Variants in OR9Q1 observed in about 807,000 individuals in gnomAD.
OR9Q1 encodes olfactory receptor family 9 subfamily Q member 1, also known as olfactory receptor 9Q1.
For missense variants in OR9Q1, 374 were observed against 378.8 expected (o/e 0.99, Z 0.11); for synonymous variants, 153 against 148.6 (o/e 1.03, Z -0.22).
chr11:58,146,123 G>A (rs1178111031), intron 2 of OR9Q1, among the ~76,000 whole-genome samples: 2 of 152,172 alleles, frequency 1.3e-5, no homozygotes, highest in Admixed American at 1.3e-4. Context: ...GGGCTGAAGT[G>A]AGTCCCATAT....
intron 2 of OR9Q1, among the ~76,000 whole-genome samples, chr11:58,061,920 C>T (rs187999356): frequency 9.9e-5 from 15 of 152,238 alleles, no homozygotes; most frequent in Admixed American, 4.6e-4. Flanking sequence ...CATGCCAGTT[C>T]GTATACTAAT....
chr11:58,086,671 A>T (rs1375221400), intron 2 of OR9Q1, among the ~76,000 whole-genome samples: 1 of 151,942 alleles, frequency 6.6e-6, no homozygotes, highest in East Asian at 1.9e-4. Flanking sequence ...AATACTATAC[A>T]GCCCTAAAAA....
intron 2 of OR9Q1, among the ~76,000 whole-genome samples, chr11:58,160,556 C>T (rs1854447748): frequency 6.6e-6 from 1 of 152,068 alleles, no homozygotes; most frequent in African/African-American, 2.4e-5. Context: ...AACTCCTGGG[C>T]TCAAGCCATT....
At chr11:58,089,584 A>C (rs1013265990) in intron 2 of OR9Q1, among the ~76,000 whole-genome samples, 3 of 151,884 alleles carry the variant, frequency 2.0e-5, no homozygotes, top group Non-Finnish European at 4.4e-5. Flanking sequence ...GTCAGGCAGC[A>C]TGATGCCTCC....
At chr11:58,060,810 T>G (rs1853373832) in intron 2 of OR9Q1, among the ~76,000 whole-genome samples, 1 of 151,436 alleles carries the variant, frequency 6.6e-6, no homozygotes, top group African/African-American at 2.4e-5. Context: ...TTTTTTTTGA[T>G]AGAGGAGGAT....
intron 2 of OR9Q1, among the ~76,000 whole-genome samples, chr11:58,097,268 T>A (rs549363212): frequency 4.6e-5 from 7 of 152,246 alleles, no homozygotes; most frequent in Non-Finnish European, 1.0e-4. Flanking sequence ...TCTTCAGTGT[T>A]GAGCTGTTGT....
intron 2 of OR9Q1, among the ~76,000 whole-genome samples, chr11:58,068,589 G>T (rs1853456990): frequency 6.6e-6 from 1 of 152,170 alleles, no homozygotes; most frequent in Non-Finnish European, 1.5e-5. Flanking sequence ...TAACATCTGT[G>T]GGTCTCACCT....
At chr11:58,065,301 G>A (rs954156173) in intron 2 of OR9Q1, among the ~76,000 whole-genome samples, 2 of 150,980 alleles carry the variant, frequency 1.3e-5, no homozygotes, top group African/African-American at 4.9e-5. Context: ...ATGGGTGCAG[G>A]CCTAGGCAGA....
intron 2 of OR9Q1, among the ~76,000 whole-genome samples, chr11:58,068,575 T>TAA (rs1853456878): frequency 6.6e-6 from 1 of 152,178 alleles, no homozygotes; most frequent in Admixed American, 6.5e-5. Context: ...CAGGGCCAGA[T>TAA]ATTTAACATC....
intron 2 of OR9Q1, among the ~76,000 whole-genome samples, chr11:58,156,165 G>A (rs1257127428): frequency 1.3e-5 from 2 of 152,026 alleles, no homozygotes; most frequent in East Asian, 3.9e-4. Context: ...CACCCGCCTC[G>A]GCCTCCCAAA....
At chr11:58,052,680 A>C (rs1289934734) in intron 1 of OR9Q1, among the ~76,000 whole-genome samples, 2 of 142,976 alleles carry the variant, frequency 1.4e-5, no homozygotes, top group Non-Finnish European at 3.0e-5. Flanking sequence ...AATGGGAGAA[A>C]ATTTTCACAA....
chr11:58,087,386 C>T (rs1853644251), intron 2 of OR9Q1, among the ~76,000 whole-genome samples: 1 of 151,642 alleles, frequency 6.6e-6, no homozygotes, highest in African/African-American at 2.4e-5. Flanking sequence ...AGTATGAAGT[C>T]ATTTGTGTCT....
At chr11:58,161,381 G>C (rs369001815) in intron 2 of OR9Q1, among the ~76,000 whole-genome samples, 6 of 152,072 alleles carry the variant, frequency 3.9e-5, no homozygotes, top group Admixed American at 2.6e-4. Flanking sequence ...CAGAGAGAGA[G>C]AGAAGAATGA....
At chr11:58,044,021 G>C (rs1853192167) in intron 1 of OR9Q1, 1 of 152,208 alleles carries the variant, frequency 6.6e-6, no homozygotes, top group East Asian at 1.9e-4. Context: ...TAAAGATTAT[G>C]TCATTAGGGT....
chr11:58,037,536 C>T (rs1853112371), intron 1 of OR9Q1, among the ~76,000 whole-genome samples: 1 of 150,490 alleles, frequency 6.6e-6, no homozygotes, highest in Admixed American at 6.6e-5. Context: ...TTTATTGTAG[C>T]AGAAAAAATT....
At chr11:58,120,484 G>A (rs2120135937) in intron 2 of OR9Q1, among the ~76,000 whole-genome samples, 1 of 151,628 alleles carries the variant, frequency 6.6e-6, no homozygotes, top group Admixed American at 6.6e-5. Flanking sequence ...AGGTTTTTGG[G>A]GAACAGTTGA....
chr11:58,041,324 C>G (rs2119940351), intron 1 of OR9Q1: 1 of 152,954 alleles, frequency 6.5e-6, no homozygotes, highest in African/African-American at 2.4e-5. Context: ...ATGGTCTTGG[C>G]CAGCACAGTG....
intron 2 of OR9Q1, chr11:58,108,949 A>G (rs1229860234): frequency 2.6e-6 from 1 of 381,504 alleles, no homozygotes; most frequent in South Asian, 1.9e-5. Flanking sequence ...GCAGGTGGAG[A>G]AGGTCTTGGC....
chr11:58,139,624 T>C lies in OR9Q1; in HGVS notation c.-14-39807T>C, dbSNP rs541573549. ...CAAAGGACATGAACTCATCATTTTT[T>C]ATGGCTGCATAGTATTCCATGGTGT... On this transcript the variant is annotated intron_variant, in intron 2 of 2. Transcript: ENST00000335397. Among the ~76,000 whole-genome samples, 16 of 152,278 alleles carry C rather than the reference T, an allele frequency of 1.1e-4. No homozygotes were observed. In the East Asian group the frequency reaches 2.5e-3, roughly 24 times the overall value.
Sources: allele counts gnomAD v4.1 joint callset (sites outside exome capture counted in the v4.1 genomes callset), GRCh38; gene constraint gnomAD v4.1.1; transcripts MANE v1.5; gene names NCBI Gene and HGNC (gene_info 2026-07-23, HGNC 2026-07-21).